Variants in BCL7C observed in about 807,000 individuals in gnomAD.
BCL7C encodes BAF chromatin remodeling complex subunit BCL7C, also known as B-cell CLL/lymphoma 7 protein family member C.
A neutral mutation model predicts 26.2 loss-of-function variants in BCL7C; 8 were observed. That is an observed-to-expected ratio of 0.30 (90% CI 0.18 to 0.55). The LOEUF (loss-of-function observed/expected upper bound fraction) is 0.55. BCL7C is among the 20% of genes least tolerant of loss of function. BCL7C has a pLI of 0.93. For synonymous variants in BCL7C, 90 were observed against 116.5 expected (o/e 0.77, Z 1.47); for missense variants, 262 against 298.5 (o/e 0.88, Z 0.90).
chr16:30,891,702 C>G (rs577530023), intron 4 of BCL7C, among the ~76,000 whole-genome samples: 16 of 151,766 alleles, frequency 1.1e-4, no homozygotes, highest in Admixed American at 1.1e-3. Flanking sequence ...CAGTGACTCA[C>G]GCCTATAATC....
At chr16:30,840,693 T>G (rs889958138) in intron 5 of BCL7C, 1 of 152,200 alleles carries the variant, frequency 6.6e-6, no homozygotes, top group African/African-American at 2.4e-5. Flanking sequence ...TTTAATTGAC[T>G]CACGGTTCAG....
intron 5 of BCL7C, among the ~76,000 whole-genome samples, chr16:30,863,496 A>G (rs1054340231): frequency 4.6e-5 from 7 of 152,190 alleles, no homozygotes; most frequent in African/African-American, 1.4e-4. Context: ...AGGCCCTTTT[A>G]CTTCCAAAGG....
intron 5 of BCL7C, chr16:30,835,175 T>C: frequency 6.9e-7 from 1 of 1,447,048 alleles, no homozygotes; most frequent in Non-Finnish European, 9.2e-7. Flanking sequence ...AGAATCTGGG[T>C]AGTGTTTCCT....
At chr16:30,864,544 T>C (rs1483399721) in intron 5 of BCL7C, among the ~76,000 whole-genome samples, 2 of 152,194 alleles carry the variant, frequency 1.3e-5, no homozygotes, top group Non-Finnish European at 2.9e-5. Flanking sequence ...CCCCTAATCC[T>C]GCTCGAAGCA....
chr16:30,872,071 C>T lies in BCL7C; in HGVS notation c.528+16789G>A, dbSNP rs895442658. On this transcript the variant is annotated intron_variant, in intron 5 of 5. Coordinates refer to the BCL7C transcript ENST00000380317. ...TAAGCTCTCTCTGGAAAAGGATATT[C>T]GTGTTATTGGAATGGGTTCTGAATT... 5.3e-5 allele frequency among the ~76,000 whole-genome samples: 8 copies of T among 152,128 alleles called. No homozygotes were observed. In the East Asian group the frequency reaches 7.7e-4, roughly 15 times the overall value.
downstream of BCL7C, among the ~76,000 whole-genome samples, chr16:30,883,846 C>T (rs1262345826): frequency 8.1e-5 from 12 of 147,736 alleles, no homozygotes; most frequent in Non-Finnish European, 9.0e-5. Flanking sequence ...GGTCAAAGTG[C>T]CGGGCGCAGT....
At chr16:30,884,497 T>TG (rs1171874147), downstream of BCL7C, among the ~76,000 whole-genome samples, 157 of 147,698 alleles carry the variant, frequency 1.1e-3, 1 homozygote, top group African/African-American at 3.8e-3. Flanking sequence ...CATTTGTTTT[T>TG]TTTTTTTTTT....
chr16:30,893,874 G>A lies in BCL7C; in HGVS notation c.71C>T (p.Thr24Ile). Residue 24 changes from threonine to isoleucine, a missense_variant, in exon 1 of 6, where the codon ACC (threonine) becomes ATC (isoleucine). Coordinates refer to ENST00000215115, the MANE Select transcript of BCL7C (RefSeq NM_004765.4). This position sits in a 1 kb window ranked among gnomAD's most constrained non-coding sequence, Gnocchi z 5.2. ...TCACCATCTCCGGACCTTCTCGATG[G>A]TCGCCATCACCTTCTTGATGTCATC... is the stretch of plus-strand genomic sequence containing the variant. ...AKDDIKKVMATIEKVRRWEKR... is the reference protein window; with the variant it reads ...AKDDIKKVMAIIEKVRRWEKR... 9 of 1,602,612 alleles carry A rather than the reference G, an allele frequency of 5.6e-6. No individual in the cohort carries two copies. The highest frequency in any genetic ancestry group is 7.6e-6 in the Non-Finnish European group (9 of 1,179,296).
chr16:30,842,271 C>A (rs1287924663), intron 5 of BCL7C, among the ~76,000 whole-genome samples: 3 of 152,204 alleles, frequency 2.0e-5, no homozygotes, highest in Non-Finnish European at 4.4e-5. Context: ...CAGAAGAAAC[C>A]AACTCTGCCG....
chr16:30,893,730 G>T lies in BCL7C; in HGVS notation c.92+123C>A, dbSNP rs2055296893. 1.2e-6 allele frequency: 1 copy of T among 823,822 alleles called. No individual in the cohort carries two copies. The highest frequency in any genetic ancestry group is 2.1e-5 in the Admixed American group (1 of 48,066). 51.0% of individuals were successfully genotyped at this position (823,822 alleles called of 1,614,324 possible). A position where few individuals can be genotyped will look rare whatever the true frequency, so the allele number is the denominator to read the frequency against. On this transcript the variant is annotated intron_variant, in intron 1 of 5. Coordinates refer to ENST00000215115, the MANE Select transcript of BCL7C (RefSeq NM_004765.4). This position sits in a 1 kb window ranked among gnomAD's most constrained non-coding sequence, Gnocchi z 5.2. Reference sequence around the variant, plus strand: ...CGGGGACAGAGCCCTGTGGATCCAGGGCAAAGCTAGTGGGTGGAGATACAC... The same window carrying T: ...CGGGGACAGAGCCCTGTGGATCCAGTGCAAAGCTAGTGGGTGGAGATACAC...
chr16:30,889,352 G>A (rs2055187741), intron 4 of BCL7C, among the ~76,000 whole-genome samples: 1 of 152,146 alleles, frequency 6.6e-6, no homozygotes, highest in South Asian at 2.1e-4. Context: ...TGCAGGTAAA[G>A]CACAGTGGCT....
At chr16:30,859,886 C>G (rs2054755223) in intron 5 of BCL7C, among the ~76,000 whole-genome samples, 2 of 152,222 alleles carry the variant, frequency 1.3e-5, no homozygotes, top group South Asian at 4.1e-4. Flanking sequence ...ACATTTGGTG[C>G]CGAAACCTGG....
chr16:30,842,091 A>G (rs2054606326), intron 5 of BCL7C, among the ~76,000 whole-genome samples: 1 of 151,798 alleles, frequency 6.6e-6, no homozygotes, highest in African/African-American at 2.4e-5. Flanking sequence ...CAGTCTCCCA[A>G]GGTCCGTGCA....
At chr16:30,887,066 T>C (rs2055143875), downstream of BCL7C, among the ~76,000 whole-genome samples, 1 of 152,038 alleles carries the variant, frequency 6.6e-6, no homozygotes, top group African/African-American at 2.4e-5. Flanking sequence ...CCCAGCACTT[T>C]GGGAGGCCGA....
intron 5 of BCL7C, 105 bp downstream of exon 5, chr16:30,888,755 T>A (rs2055176658): frequency 2.9e-6 from 3 of 1,030,384 alleles, no homozygotes; most frequent in African/African-American, 1.6e-5. Context: ...CTGTCCCAGG[T>A]CTGCCTCTCC....
chr16:30,848,372 A>T (rs2054648615), intron 5 of BCL7C, among the ~76,000 whole-genome samples: 1 of 152,126 alleles, frequency 6.6e-6, no homozygotes, highest in African/African-American at 2.4e-5. Flanking sequence ...TGCACCATTG[A>T]GGTGGGCCCT....
At chr16:30,851,861 A>G in intron 5 of BCL7C, 1 of 247,228 alleles carries the variant, frequency 4.0e-6, no homozygotes, top group East Asian at 8.0e-5. Flanking sequence ...TTTGTCACAC[A>G]TCACAATCTG....
At chr16:30,871,036 G>A (rs1265165874) in intron 5 of BCL7C, among the ~76,000 whole-genome samples, 1 of 152,222 alleles carries the variant, frequency 6.6e-6, no homozygotes, top group East Asian at 1.9e-4. Context: ...TAACTCGGTG[G>A]CAGTTGCAGG....
At chr16:30,891,200 G>A (rs1489455314) in intron 4 of BCL7C, among the ~76,000 whole-genome samples, 2 of 149,776 alleles carry the variant, frequency 1.3e-5, no homozygotes, top group Non-Finnish European at 3.0e-5. Flanking sequence ...TGGGCGTGGT[G>A]GCTCGTAATC....
Sources: allele counts gnomAD v4.1 joint callset (sites outside exome capture counted in the v4.1 genomes callset), GRCh38; gene constraint gnomAD v4.1.1; non-coding constraint Gnocchi (gnomAD v3.1); transcripts MANE v1.5; gene names NCBI Gene and HGNC (gene_info 2026-07-23, HGNC 2026-07-21).